Variants in SGCD observed in about 807,000 individuals in gnomAD.
SGCD encodes sarcoglycan delta.
SGCD carries 18 observed loss-of-function variants against 36.6 expected under a neutral mutation model. The observed-to-expected ratio is 0.49, with a 90% confidence interval of 0.34 to 0.73. The LOEUF (loss-of-function observed/expected upper bound fraction) is 0.73, where lower values mean the gene tolerates loss of function less well. Among genes scored for constraint, SGCD ranks in the 30% least tolerant of loss-of-function variants. The pLI is 0.01. For synonymous variants in SGCD, 133 were observed against 130.6 expected (o/e 1.02, Z -0.12); for missense variants, 387 against 346.7 (o/e 1.12, Z -0.92).
the SGCD span, among the ~76,000 whole-genome samples, chr5:155,763,599 T>C: frequency 6.6e-6 from 1 of 152,010 alleles, no homozygotes; most frequent in African/African-American, 2.4e-5. Flanking sequence ...TAATAGACAA[T>C]AGAAAAAACT....
rs576610280 is a variant in SGCD, at chr5:156,258,962, G to A, written c.-43-70572G>A. Among the ~76,000 whole-genome samples, 166 of 151,892 alleles carry A rather than the reference G, an allele frequency of 1.1e-3. 1 individual carries two copies. The highest frequency in any genetic ancestry group is 3.2e-3 in the Admixed American group (48 of 15,236). On this transcript the variant is annotated intron_variant, in intron 3 of 9. Coordinates refer to the SGCD transcript ENST00000517913. Reference sequence around the variant, plus strand: ...TTAAGAGAGTACTTAAGAGAGTAAAGGGGTTCTGACTAAAATTCTTTACCC... The same window carrying A: ...TTAAGAGAGTACTTAAGAGAGTAAAAGGGTTCTGACTAAAATTCTTTACCC...
chr5:156,632,800 G>A (rs73815172), intron 6 of SGCD, among the ~76,000 whole-genome samples: 103 of 152,298 alleles, frequency 6.8e-4, no homozygotes, highest in Middle Eastern at 3.4e-3. Context: ...ACTATGGCAC[G>A]TGTACCTTTA....
At chr5:156,637,698 G>T (rs1762881423) in intron 6 of SGCD, among the ~76,000 whole-genome samples, 2 of 149,586 alleles carry the variant, frequency 1.3e-5, no homozygotes, top group African/African-American at 5.0e-5. Context: ...CCAGGGGAAA[G>T]GGGGAAATGG....
At chr5:156,616,242 A>G (rs1301558244) in intron 6 of SGCD, among the ~76,000 whole-genome samples, 1 of 152,140 alleles carries the variant, frequency 6.6e-6, no homozygotes, top group Non-Finnish European at 1.5e-5. Flanking sequence ...TTCTGTGTGG[A>G]CTGTCATGGA....
At chr5:156,148,542 T>C (rs1279488770) in intron 3 of SGCD, among the ~76,000 whole-genome samples, 1 of 152,178 alleles carries the variant, frequency 6.6e-6, no homozygotes, top group Non-Finnish European at 1.5e-5. Flanking sequence ...TATATGGTCT[T>C]TCTTTTTATT....
chr5:156,096,574 G>A (rs534344420), intron 1 of SGCD, among the ~76,000 whole-genome samples: 1 of 152,292 alleles, frequency 6.6e-6, no homozygotes, highest in East Asian at 1.9e-4. Context: ...CAATCAGGTT[G>A]TAAATCAACT....
chr5:156,257,319 A>C (rs2127663610), intron 3 of SGCD, among the ~76,000 whole-genome samples: 1 of 151,924 alleles, frequency 6.6e-6, no homozygotes, highest in East Asian at 2.0e-4. Flanking sequence ...CTAAAAATAC[A>C]AAAAATTAGC....
At chr5:155,730,846 C>G in the SGCD span, among the ~76,000 whole-genome samples, 2,808 of 152,292 alleles carry the variant, frequency 0.018, 34 homozygotes, top group Non-Finnish European at 0.03. Context: ...AATTTAGTTT[C>G]CCTCCTAAGG....
intron 7 of SGCD, among the ~76,000 whole-genome samples, chr5:156,679,837 A>T (rs1169452787): frequency 3.3e-5 from 5 of 152,090 alleles, no homozygotes; most frequent in Non-Finnish European, 7.4e-5. Context: ...ATTCTTTCTC[A>T]TATGTATCAC....
chr5:156,068,117 TTTATTTTATG>T (rs1032574526), intron 1 of SGCD, among the ~76,000 whole-genome samples: 41 of 146,242 alleles, frequency 2.8e-4, no homozygotes, highest in African/African-American at 7.0e-4. Context: ...TTTATTTTAT[TTTATTTTATG>T]TTATTTTATT....
chr5:156,384,205 A>C (rs1418002886), intron 3 of SGCD, among the ~76,000 whole-genome samples: 1 of 152,164 alleles, frequency 6.6e-6, no homozygotes, highest in Non-Finnish European at 1.5e-5. Flanking sequence ...GTTCTTTCTT[A>C]CTTCCAAATC....
chr5:155,755,706 T>G, the SGCD span, among the ~76,000 whole-genome samples: 1 of 152,212 alleles, frequency 6.6e-6, no homozygotes, highest in Admixed American at 6.5e-5. Flanking sequence ...CTTGTAACCC[T>G]GACAATATTT....
chr5:156,105,928 T>C (rs1761634398), intron 1 of SGCD, among the ~76,000 whole-genome samples: 1 of 151,594 alleles, frequency 6.6e-6, no homozygotes, highest in African/African-American at 2.4e-5. Context: ...CTGGCGAAGA[T>C]GGTGAAACCC....
At chr5:155,813,491 C>T in the SGCD span, among the ~76,000 whole-genome samples, 1 of 152,126 alleles carries the variant, frequency 6.6e-6, no homozygotes, top group African/African-American at 2.4e-5. Flanking sequence ...GAAAAACACC[C>T]TGTGAGCAGA....
At chr5:155,862,228 A>G in the SGCD span, among the ~76,000 whole-genome samples, 1 of 152,164 alleles carries the variant, frequency 6.6e-6, no homozygotes, top group East Asian at 1.9e-4. Context: ...TACTTTTTCT[A>G]AATATTTTCC....
At chr5:156,728,053 T>C (rs1755865025) in intron 7 of SGCD, among the ~76,000 whole-genome samples, 1 of 152,226 alleles carries the variant, frequency 6.6e-6, no homozygotes, top group Admixed American at 6.5e-5. Context: ...TCACTACTAG[T>C]GTTATCCTCT....
intron 5 of SGCD, among the ~76,000 whole-genome samples, chr5:156,589,604 CA>C (rs1168612056): frequency 1.3e-5 from 2 of 152,146 alleles, no homozygotes; most frequent in African/African-American, 4.8e-5. Flanking sequence ...CCAGCTGCTT[CA>C]TCAGGTGCTC....
chr5:155,900,425 T>TA (rs1554103150), intron 1 of SGCD, among the ~76,000 whole-genome samples: 5 of 151,764 alleles, frequency 3.3e-5, no homozygotes, highest in African/African-American at 4.9e-5. Flanking sequence ...CTAGCTTTTT[T>TA]TTATTATTAT....
At chr5:156,698,119 A>T (rs32091) in intron 7 of SGCD, among the ~76,000 whole-genome samples, 139,701 of 152,124 alleles carry the variant, frequency 0.92, 64,315 homozygotes, top group East Asian at 0.99. Context: ...TTGGAGAACA[A>T]CTTTCAACTT....
Sources: gnomAD v4.1 joint callset for allele counts (sites outside exome capture counted in the v4.1 genomes callset) on GRCh38, gnomAD v4.1.1 for gene constraint, MANE v1.5 for transcripts, NCBI Gene and HGNC (gene_info 2026-07-23, HGNC 2026-07-21) for gene names.